BICC1: variants seen among roughly 807,000 people sequenced by gnomAD.
The protein encoded by BICC1 is protein bicaudal C homolog 1.
BICC1 carries 43 observed loss-of-function variants against 111.0 expected under a neutral mutation model. That is an observed-to-expected ratio of 0.39 (90% CI 0.30 to 0.50). The LOEUF (loss-of-function observed/expected upper bound fraction) is 0.50. Ranked by LOEUF, BICC1 falls within the 20% of genes least tolerant of loss-of-function variation. The probability of loss-of-function intolerance (pLI) is 0.88; values close to 1 mark genes in which losing one functional copy is unlikely to be tolerated. For missense variants in BICC1, 1,091 were observed against 1,203.2 expected, an observed-to-expected ratio of 0.91 and a Z score of 1.38; for synonymous variants, 467 against 434.4, an observed-to-expected ratio of 1.07 and a Z score of -0.93.
intron 3 of BICC1, among the ~76,000 whole-genome samples, chr10:58,783,380 T>C: frequency 6.6e-6 from 1 of 152,002 alleles, no homozygotes; most frequent in Non-Finnish European, 1.5e-5. Flanking sequence ...CTTCTTTCCT[T>C]CCTCCCTCTT....
At chr10:58,612,151 G>A (rs1456131471) in intron 1 of BICC1, among the ~76,000 whole-genome samples, 1 of 152,210 alleles carries the variant, frequency 6.6e-6, no homozygotes, top group East Asian at 1.9e-4. Flanking sequence ...CAGTTGGTTA[G>A]AGTATTTTAA....
intron 2 of BICC1, among the ~76,000 whole-genome samples, chr10:58,622,137 G>A (rs187524440): frequency 1.3e-5 from 2 of 151,790 alleles, no homozygotes; most frequent in African/African-American, 2.4e-5. Context: ...AGCCATGATC[G>A]TGCCACTGCA....
At chr10:58,657,049 T>G (rs895131506) in intron 2 of BICC1, among the ~76,000 whole-genome samples, 1 of 152,134 alleles carries the variant, frequency 6.6e-6, no homozygotes, top group Non-Finnish European at 1.5e-5. Context: ...CCCATCTTTC[T>G]CCATTCCTCT....
intron 20 of BICC1, among the ~76,000 whole-genome samples, chr10:58,822,125 T>G (rs1844268067): frequency 6.6e-6 from 1 of 152,132 alleles, no homozygotes; most frequent in Non-Finnish European, 1.5e-5. Context: ...TTATTTGCAG[T>G]TTGAAACGTG....
intron 17 of BICC1, among the ~76,000 whole-genome samples, chr10:58,810,903 C>T (rs1012473953): frequency 6.6e-6 from 1 of 152,112 alleles, no homozygotes; most frequent in Non-Finnish European, 1.5e-5. Context: ...TAGGTCCTGA[C>T]AGGTGAGGGC....
At chr10:58,729,012 A>C (rs1246511109) in intron 3 of BICC1, among the ~76,000 whole-genome samples, 1 of 152,178 alleles carries the variant, frequency 6.6e-6, no homozygotes, top group East Asian at 1.9e-4. Flanking sequence ...GGCAGAGTAG[A>C]TTTAGCATAA....
At chr10:58,613,261 G>T (rs987311840) in intron 1 of BICC1, among the ~76,000 whole-genome samples, 1 of 152,140 alleles carries the variant, frequency 6.6e-6, no homozygotes, top group African/African-American at 2.4e-5. Context: ...ACATCCAAGC[G>T]AATAAACTTT....
chr10:58,760,022 G>GATCCTCTTCCAAAAAGAGA (rs1391787091), intron 3 of BICC1, among the ~76,000 whole-genome samples: 1 of 151,986 alleles, frequency 6.6e-6, no homozygotes, highest in Non-Finnish European at 1.5e-5. Context: ...TTTTGGAAGG[G>GATCCTCTTCCAAAAAGAGA]GTTGTGATCA....
chr10:58,671,923 G>T (rs1839196423), intron 2 of BICC1, among the ~76,000 whole-genome samples: 1 of 152,046 alleles, frequency 6.6e-6, no homozygotes, highest in Non-Finnish European at 1.5e-5. Flanking sequence ...GAGATTCCCT[G>T]TAAAAGGAAC....
chr10:58,531,246 G>A (rs762683096), intron 1 of BICC1, among the ~76,000 whole-genome samples: 2 of 151,822 alleles, frequency 1.3e-5, no homozygotes, highest in Non-Finnish European at 2.9e-5. Context: ...AGAGCTCAGC[G>A]GTTGGTGGCA....
chr10:58,712,654 C>A (rs1171859804), intron 3 of BICC1, among the ~76,000 whole-genome samples: 1 of 152,086 alleles, frequency 6.6e-6, no homozygotes, highest in African/African-American at 2.4e-5. Flanking sequence ...GTAGAAAAAG[C>A]AAAACTTTGG....
rs2132881298 is a variant in BICC1, at chr10:58,803,059, C to T, written c.2016-18C>T. ...GTATATATAGTGGAGTGTTAAATTC[C>T]ACACTCTTATTTCACAGCAGCACTG... On this transcript the variant is annotated intron_variant, in intron 14 of 20. Coordinates refer to ENST00000373886, the MANE Select transcript of BICC1 (RefSeq NM_001080512.3). 6.4e-6 allele frequency: 10 copies of T among 1,561,522 alleles called. No homozygotes were observed. Among genetic ancestry groups the T allele is most frequent in the Non-Finnish European group, 8.7e-6 (10 of 1,153,264 alleles).
intron 5 of BICC1, among the ~76,000 whole-genome samples, chr10:58,787,573 AC>A: frequency 6.6e-6 from 1 of 152,274 alleles, no homozygotes; most frequent in East Asian, 1.9e-4. Flanking sequence ...AATGGAACTC[AC>A]CTGTCCTCAT....
intron 1 of BICC1, among the ~76,000 whole-genome samples, chr10:58,574,962 GAGCAAAAAATGA>G: frequency 6.6e-6 from 1 of 151,206 alleles, no homozygotes. Context: ...GAAAACGAGT[GAGCAAAAAATGA>G]CTCAGTATAA....
intron 1 of BICC1, among the ~76,000 whole-genome samples, chr10:58,530,664 G>A (rs527771319): frequency 5.4e-5 from 7 of 129,098 alleles, no homozygotes; most frequent in African/African-American, 1.7e-4. Flanking sequence ...CCAGTACAAT[G>A]TCTTTATATA....
At chr10:58,634,763 ACCAG>A (rs1837905045) in intron 2 of BICC1, among the ~76,000 whole-genome samples, 1 of 152,196 alleles carries the variant, frequency 6.6e-6, no homozygotes, top group Admixed American at 6.5e-5. Flanking sequence ...CCTAGTGTTG[ACCAG>A]AAGCCTTACT....
At chr10:58,574,564 A>G (rs929339553) in intron 1 of BICC1, among the ~76,000 whole-genome samples, 1 of 152,160 alleles carries the variant, frequency 6.6e-6, no homozygotes, top group African/African-American at 2.4e-5. Flanking sequence ...TTTCACCTTC[A>G]GGAACAGTTT....
At chr10:58,675,643 T>A (rs1053619552) in intron 2 of BICC1, among the ~76,000 whole-genome samples, 2 of 151,972 alleles carry the variant, frequency 1.3e-5, no homozygotes, top group African/African-American at 4.8e-5. Flanking sequence ...GGTCAAAGGG[T>A]ACAAACTTTG....
intron 3 of BICC1, among the ~76,000 whole-genome samples, chr10:58,778,741 T>C (rs1842811098): frequency 6.6e-6 from 1 of 152,208 alleles, no homozygotes; most frequent in Admixed American, 6.5e-5. Flanking sequence ...GCAGATGGGT[T>C]TGTTCTTTAT....
Sources: allele counts gnomAD v4.1 joint callset (sites outside exome capture counted in the v4.1 genomes callset), GRCh38; gene constraint gnomAD v4.1.1; transcripts MANE v1.5; gene names NCBI Gene and HGNC (gene_info 2026-07-23, HGNC 2026-07-21).